Variants in EYS observed in about 807,000 individuals in gnomAD.
EYS encodes EGF-like photoreceptor maintenance factor.
Under a neutral mutation model 282.1 loss-of-function variants are expected in EYS, and 250 were observed. The observed-to-expected ratio is 0.89, with a 90% CI of 0.80 to 0.98. The LOEUF (loss-of-function observed/expected upper bound fraction) is 0.98. Among genes scored for constraint, EYS ranks in the 50% least tolerant of loss-of-function variants. The pLI is 0.00. For synonymous variants in EYS, 1,355 were observed against 1,282.9 expected (o/e 1.06, Z -1.20); for missense variants, 4,016 against 3,709.0 (o/e 1.08, Z -2.15).
At chr6:64,390,113 C>G (rs4481411) in intron 28 of EYS, among the ~76,000 whole-genome samples, 109,720 of 151,866 alleles carry the variant, frequency 0.72, 39,758 homozygotes, top group African/African-American at 0.79. Flanking sequence ...CACCTGGCTC[C>G]GAGGGTCCTA....
chr6:64,042,604 C>A (rs2149838210), intron 33 of EYS, among the ~76,000 whole-genome samples: 1 of 152,334 alleles, frequency 6.6e-6, no homozygotes, highest in Admixed American at 6.5e-5. Context: ...ACACACTTCC[C>A]TCTTTACCTC....
intron 41 of EYS, among the ~76,000 whole-genome samples, chr6:63,733,953 C>T (rs1768843911): frequency 6.6e-6 from 1 of 152,032 alleles, no homozygotes; most frequent in African/African-American, 2.4e-5. Flanking sequence ...GAAAAGATAG[C>T]CAAGAACAAA....
At chr6:65,456,386 G>A (rs1764618481) in intron 5 of EYS, among the ~76,000 whole-genome samples, 1 of 151,250 alleles carries the variant, frequency 6.6e-6, no homozygotes, top group Non-Finnish European at 1.5e-5. Context: ...AGAGGCGGAG[G>A]TTGCAGTGAG....
chr6:64,991,211 A>T (rs1771050757), intron 14 of EYS, among the ~76,000 whole-genome samples: 1 of 151,590 alleles, frequency 6.6e-6, no homozygotes, highest in Admixed American at 6.6e-5. Flanking sequence ...AAATTCTTAA[A>T]GGGAAGATTG....
chr6:64,309,630 C>G (rs1468199376), intron 29 of EYS, among the ~76,000 whole-genome samples: 2 of 151,716 alleles, frequency 1.3e-5, no homozygotes, highest in African/African-American at 2.4e-5. Context: ...TGAACAGACA[C>G]TTTTCCAAAG....
At chr6:64,161,169 TA>T (rs1270735130) in intron 31 of EYS, among the ~76,000 whole-genome samples, 1 of 152,194 alleles carries the variant, frequency 6.6e-6, no homozygotes, top group East Asian at 1.9e-4. Flanking sequence ...AACAAGCATT[TA>T]AAAAAGTTCT....
intron 35 of EYS, among the ~76,000 whole-genome samples, chr6:63,867,554 C>A (rs1772698795): frequency 1.3e-5 from 2 of 152,056 alleles, no homozygotes; most frequent in African/African-American, 4.8e-5. Context: ...GATCCATGTG[C>A]CAAGTGGTGA....
At chr6:63,937,362 T>A (rs1765095578) in intron 35 of EYS, among the ~76,000 whole-genome samples, 1 of 50,032 alleles carries the variant, frequency 2.0e-5, no homozygotes, top group African/African-American at 9.8e-5. Flanking sequence ...TTTTTTTTTT[T>A]TTTTTTTTTT....
intron 2 of EYS, among the ~76,000 whole-genome samples, chr6:65,499,661 A>G (rs538105376): frequency 6.6e-6 from 1 of 152,174 alleles, no homozygotes; most frequent in South Asian, 2.1e-4. Flanking sequence ...AACAAATTTT[A>G]CCTACCACAG....
At chr6:64,311,429 C>T (rs1308486073) in intron 29 of EYS, among the ~76,000 whole-genome samples, 1 of 152,144 alleles carries the variant, frequency 6.6e-6, no homozygotes, top group Non-Finnish European at 1.5e-5. Flanking sequence ...TGTGATTTCT[C>T]AAATATAGTT....
intron 22 of EYS, among the ~76,000 whole-genome samples, chr6:64,807,538 G>T (rs548565733): frequency 6.6e-6 from 1 of 152,172 alleles, no homozygotes; most frequent in South Asian, 2.1e-4. Flanking sequence ...TATATAGTTT[G>T]GGAATGGCAA....
chr6:64,592,753 T>C (rs554010585), intron 25 of EYS, among the ~76,000 whole-genome samples: 13 of 152,198 alleles, frequency 8.5e-5, no homozygotes, highest in African/African-American at 2.9e-4. Flanking sequence ...AATAATTTGA[T>C]AGGAATATAA....
Position 64,734,091 on chromosome 6 carries a change from G to A in EYS, c.3443+79287C>T, listed in dbSNP as rs147700727. Reference sequence around the variant, plus strand: ...TATATTGTGGTGCTTACCCAATCACGAATCTTCTGCCCATATTGCAGATAT... The same window carrying A: ...TATATTGTGGTGCTTACCCAATCACAAATCTTCTGCCCATATTGCAGATAT... On this transcript the variant is annotated intron_variant, in intron 22 of 42. Coordinates refer to ENST00000503581, the MANE Select transcript of EYS (RefSeq NM_001142800.2). Among the ~76,000 whole-genome samples the A allele has an allele frequency of 1.5e-3, 228 of 149,580 alleles. 1 individual carries two copies. Among genetic ancestry groups the A allele is most frequent in the African/African-American group, 5.2e-3 (212 of 40,610 alleles).
chr6:64,336,527 G>A (rs948860645), intron 29 of EYS, among the ~76,000 whole-genome samples: 1 of 152,034 alleles, frequency 6.6e-6, no homozygotes, highest in African/African-American at 2.4e-5. Flanking sequence ...AATAATTGTG[G>A]GGGACTTAAA....
chr6:65,438,616 A>C (rs1353238590), intron 5 of EYS, among the ~76,000 whole-genome samples: 3 of 152,066 alleles, frequency 2.0e-5, no homozygotes, highest in Non-Finnish European at 4.4e-5. Context: ...AGTGATGATG[A>C]GCATTTTTTT....
intron 13 of EYS, among the ~76,000 whole-genome samples, chr6:65,010,161 C>G (rs947078129): frequency 6.6e-6 from 1 of 152,204 alleles, no homozygotes; most frequent in African/African-American, 2.4e-5. Context: ...AGTCCTTACA[C>G]AGGTCCGAGG....
chr6:64,645,564 T>G (rs1344970253), intron 22 of EYS, among the ~76,000 whole-genome samples: 1 of 152,212 alleles, frequency 6.6e-6, no homozygotes, highest in African/African-American at 2.4e-5. Flanking sequence ...CACTGAGAAT[T>G]AGATATGTGA....
At chr6:64,728,881 T>A (rs766625373) in intron 22 of EYS, 13 of 152,222 alleles carry the variant, frequency 8.5e-5, no homozygotes, top group Non-Finnish European at 1.5e-4. Context: ...TGAAAATGGC[T>A]CTCTGTGGGG....
intron 31 of EYS, among the ~76,000 whole-genome samples, chr6:64,123,422 G>A (rs1332463724): frequency 1.3e-5 from 2 of 151,966 alleles, no homozygotes; most frequent in East Asian, 3.9e-4. Flanking sequence ...AAGAATTTTG[G>A]CTAGGTAGTT....
Sources: allele counts gnomAD v4.1 joint callset (sites outside exome capture counted in the v4.1 genomes callset), GRCh38; gene constraint gnomAD v4.1.1; transcripts MANE v1.5; gene names NCBI Gene and HGNC (gene_info 2026-07-23, HGNC 2026-07-21).